Variants in SGCG observed in about 807,000 individuals in gnomAD.
The protein encoded by SGCG is sarcoglycan gamma.
Under a neutral mutation model 29.3 loss-of-function variants are expected in SGCG, and 26 were observed. The ratio of observed to expected loss-of-function variants is 0.89; its 90% CI spans 0.65 to 1.23. The LOEUF (loss-of-function observed/expected upper bound fraction) is 1.23. SGCG is among the 50% of genes most tolerant of loss of function. The pLI, the probability that SGCG is intolerant of heterozygous loss-of-function variation, is 0.00. For missense variants in SGCG, 353 were observed against 356.0 expected, an observed-to-expected ratio of 0.99 and a Z score of 0.07; for synonymous variants, 145 against 129.7, an observed-to-expected ratio of 1.12 and a Z score of -0.80.
At chr13:23,253,537 G>A (rs1593199424) in intron 4 of SGCG, among the ~76,000 whole-genome samples, 1 of 152,256 alleles carries the variant, frequency 6.6e-6, no homozygotes, top group African/African-American at 2.4e-5. Context: ...GTATTAAAAT[G>A]TAATTTATGT....
chr13:23,221,590 C>A (rs1878659374), intron 2 of SGCG, among the ~76,000 whole-genome samples: 2 of 152,158 alleles, frequency 1.3e-5, no homozygotes, highest in Admixed American at 1.3e-4. Flanking sequence ...AATACAAATA[C>A]TATTTACAAA....
At chr13:23,183,198 A>G (rs1417070969) in intron 1 of SGCG, among the ~76,000 whole-genome samples, 1 of 152,196 alleles carries the variant, frequency 6.6e-6, no homozygotes, top group Non-Finnish European at 1.5e-5. Flanking sequence ...CAAGTATCAA[A>G]TTTAGTCTAT....
At chr13:23,178,050 T>C (rs1403314426), upstream of SGCG, among the ~76,000 whole-genome samples, 2 of 152,114 alleles carry the variant, frequency 1.3e-5, no homozygotes, top group African/African-American at 4.8e-5. Context: ...GGCATGTGTG[T>C]CAGGTCAAGA....
chr13:23,194,328 A>G (rs1453128360), intron 1 of SGCG, among the ~76,000 whole-genome samples: 1 of 152,174 alleles, frequency 6.6e-6, no homozygotes, highest in Non-Finnish European at 1.5e-5. Context: ...GCCTCTTGCT[A>G]TGTGTATTAT....
intron 4 of SGCG, among the ~76,000 whole-genome samples, chr13:23,278,905 A>C (rs964915928): frequency 1.4e-4 from 21 of 152,218 alleles, no homozygotes; most frequent in African/African-American, 4.8e-4. Context: ...GAATAATGGC[A>C]GAGAAAAGTT....
intron 3 of SGCG, among the ~76,000 whole-genome samples, chr13:23,241,242 C>T (rs1166082108): frequency 6.6e-6 from 1 of 150,882 alleles, no homozygotes; most frequent in Admixed American, 6.6e-5. Context: ...AAATCAAAGA[C>T]AGAAGATCCA....
chr13:23,261,074 T>G (rs1447997603), intron 4 of SGCG, among the ~76,000 whole-genome samples: 2 of 152,158 alleles, frequency 1.3e-5, no homozygotes, highest in Non-Finnish European at 2.9e-5. Context: ...TGAATTTGAA[T>G]GTTGGCCTCC....
intron 2 of SGCG, among the ~76,000 whole-genome samples, chr13:23,216,620 A>G (rs1878439421): frequency 6.6e-6 from 1 of 152,278 alleles, no homozygotes; most frequent in Admixed American, 6.5e-5. Context: ...ACTTGAGTAA[A>G]CTGTTGTATA....
At chr13:23,221,216 G>C (rs1402452211) in intron 2 of SGCG, among the ~76,000 whole-genome samples, 1 of 152,110 alleles carries the variant, frequency 6.6e-6, no homozygotes, top group African/African-American at 2.4e-5. Context: ...AAACCCTGAA[G>C]TAAGAAAAGA....
intron 1 of SGCG, among the ~76,000 whole-genome samples, chr13:23,187,212 G>A (rs1219534083): frequency 2.0e-5 from 3 of 152,284 alleles, no homozygotes; most frequent in African/African-American, 4.8e-5. Context: ...AACTGGGTGA[G>A]CCACTCTCGC....
chr13:23,318,157 G>C lies in SGCG; in HGVS notation c.579-2480G>C, dbSNP rs143722011. 1.8e-3 allele frequency among the ~76,000 whole-genome samples: 274 copies of C among 152,080 alleles called. 2 individuals are homozygous for C. Among genetic ancestry groups the C allele is most frequent in the Middle Eastern group, 0.014 (4 of 294 alleles). On this transcript the variant is annotated intron_variant, in intron 6 of 7. Coordinates refer to ENST00000218867, the MANE Select transcript of SGCG (RefSeq NM_000231.3). ...ATTGTGGGACCTTGTGATCATGTAA[G>C]TTAATACTTAATAAACTCCCCTTCC... is the stretch of plus-strand genomic sequence containing the variant.
At chr13:23,236,003 T>C (rs1333510052) in intron 3 of SGCG, among the ~76,000 whole-genome samples, 1 of 152,202 alleles carries the variant, frequency 6.6e-6, no homozygotes, top group African/African-American at 2.4e-5. Context: ...AAGTGAAAAG[T>C]ACATAAGTAG....
intron 6 of SGCG, among the ~76,000 whole-genome samples, chr13:23,307,548 A>T (rs1474340261): frequency 1.3e-5 from 2 of 152,182 alleles, no homozygotes; most frequent in Admixed American, 1.3e-4. Context: ...CAGTACTTAG[A>T]ACTATGCCCT....
intron 4 of SGCG, among the ~76,000 whole-genome samples, chr13:23,253,901 C>T (rs1004008322): frequency 6.6e-6 from 1 of 152,202 alleles, no homozygotes; most frequent in Non-Finnish European, 1.5e-5. Context: ...TGCACCTGCT[C>T]CTTCTTTGCC....
intron 5 of SGCG, among the ~76,000 whole-genome samples, chr13:23,292,778 C>T (rs1881765574): frequency 6.6e-6 from 1 of 152,160 alleles, no homozygotes; most frequent in South Asian, 2.1e-4. Context: ...TCATAAAGCT[C>T]ACTCTAGTTT....
At position 23,186,334 on chromosome 13, in the gene SGCG, A is replaced by C. The variant is rs541415960; in HGVS notation, c.-1+5259A>C. On this transcript the variant is annotated intron_variant, in intron 1 of 7. Transcript: ENST00000218867. Reference sequence around the variant, plus strand: ...TGGGTGACAAACATATTCTTCCCAGACAATTCTTGTCAGAATGGTGCATCG... The same window carrying C: ...TGGGTGACAAACATATTCTTCCCAGCCAATTCTTGTCAGAATGGTGCATCG... 7.9e-5 allele frequency among the ~76,000 whole-genome samples: 12 copies of C among 152,304 alleles called. No individual in the cohort carries two copies. The East Asian group carries it at 2.3e-3, about 29-fold the overall frequency.
At chr13:23,187,532 G>A (rs115585520) in intron 1 of SGCG, among the ~76,000 whole-genome samples, 2,984 of 152,254 alleles carry the variant, frequency 0.02, 100 homozygotes, top group African/African-American at 0.068. Flanking sequence ...TGTGGCAGCC[G>A]GCCTTCTGTG....
intron 6 of SGCG, among the ~76,000 whole-genome samples, chr13:23,317,194 C>CAA (rs59885682): frequency 3.2e-4 from 47 of 147,400 alleles, no homozygotes; most frequent in Non-Finnish European, 6.0e-4. Context: ...GACTCCGTCT[C>CAA]AAAAAAAAAA....
intron 5 of SGCG, among the ~76,000 whole-genome samples, chr13:23,283,397 T>G (rs1264573199): frequency 6.6e-6 from 1 of 152,218 alleles, no homozygotes; most frequent in African/African-American, 2.4e-5. Context: ...TTTTTTATCT[T>G]TGTTGGTTTA....
Sources: gnomAD v4.1 joint callset for allele counts (sites outside exome capture counted in the v4.1 genomes callset) on GRCh38, gnomAD v4.1.1 for gene constraint, MANE v1.5 for transcripts, NCBI Gene and HGNC (gene_info 2026-07-23, HGNC 2026-07-21) for gene names.